Variants in ZNF717 observed in about 807,000 individuals in gnomAD.
ZNF717 encodes zinc finger protein 717, also known as krueppel-like factor X17.
ZNF717 carries 9 observed loss-of-function variants against 13.8 expected under a neutral mutation model. The ratio of observed to expected loss-of-function variants is 0.65; its 90% CI spans 0.39 to 1.14. The LOEUF is 1.14. ZNF717 is among the 50% of genes most tolerant of loss of function. The pLI is 0.01. For missense variants in ZNF717, 1,040 were observed against 1,080.7 expected, an observed-to-expected ratio of 0.96 and a Z score of 0.53; for synonymous variants, 327 against 364.1, an observed-to-expected ratio of 0.90 and a Z score of 1.16.
At chr3:75,779,748 G>A (rs1024176689) in intron 2 of ZNF717, among the ~76,000 whole-genome samples, 8 of 143,562 alleles carry the variant, frequency 5.6e-5, no homozygotes, top group African/African-American at 1.0e-4. Flanking sequence ...TGGGAGTGTC[G>A]TGCTAAACCA....
At chr3:75,778,200 G>C (rs1340008905) in intron 2 of ZNF717, among the ~76,000 whole-genome samples, 4 of 151,814 alleles carry the variant, frequency 2.6e-5, no homozygotes, top group African/African-American at 9.7e-5. Flanking sequence ...AAAACAATGG[G>C]AGTGACGTGC....
At position 75,738,918 on chromosome 3, in the gene ZNF717, G is replaced by T; in HGVS notation, c.705C>A (p.Thr235=). Residue 235 remains threonine (T), a synonymous_variant, in exon 5 of 5, where the codon ACC becomes ACA. Transcript: ENST00000652011. The part of the protein sequence containing the change: ...FIHKRVHIVQ[T]FGKYNEYEKA... Reference sequence around the variant, plus strand: ...TCTCATATTCATTATATTTACCAAAGGTCTGTACTATATGAACCCTCTTAT... The same window carrying T: ...TCTCATATTCATTATATTTACCAAATGTCTGTACTATATGAACCCTCTTAT... 5 of 1,551,484 alleles carry T rather than the reference G, an allele frequency of 3.2e-6. No homozygotes were observed. The highest frequency in any genetic ancestry group is 3.5e-6 in the Non-Finnish European group (4 of 1,146,946).
chr3:75,706,509 C>T (rs1311653344), downstream of ZNF717, among the ~76,000 whole-genome samples: 1 of 152,312 alleles, frequency 6.6e-6, no homozygotes, highest in African/African-American at 2.4e-5. Context: ...CAGAGGCAGC[C>T]CCTGGGCCCC....
intron 2 of ZNF717, among the ~76,000 whole-genome samples, chr3:75,743,667 G>T (rs1304419193): frequency 6.6e-6 from 1 of 152,238 alleles, no homozygotes; most frequent in Non-Finnish European, 1.5e-5. Context: ...GACATGGAGT[G>T]TAAGAATACA....
At chr3:75,741,911 T>C in intron 2 of ZNF717, 175 bp from the exon 3 acceptor site, 3 of 705,026 alleles carry the variant, frequency 4.3e-6, no homozygotes, top group Non-Finnish European at 6.6e-6. Flanking sequence ...AGCCCAAAGA[T>C]TCTTGTCAAA....
intron 5 of ZNF717, among the ~76,000 whole-genome samples, chr3:75,711,515 G>T (rs1352635084): frequency 3.3e-5 from 5 of 152,120 alleles, no homozygotes; most frequent in African/African-American, 1.2e-4. Context: ...CAAAAATTTT[G>T]CCAGGCACAG....
chr3:75,732,590 T>C (rs2106925013), downstream of ZNF717, among the ~76,000 whole-genome samples: 1 of 152,348 alleles, frequency 6.6e-6, no homozygotes, highest in East Asian at 1.9e-4. Context: ...TGAGAGGACA[T>C]ATAGCTGGCA....
intron 2 of ZNF717, among the ~76,000 whole-genome samples, chr3:75,763,135 T>C (rs1943168208): frequency 6.6e-6 from 1 of 152,238 alleles, no homozygotes; most frequent in South Asian, 2.1e-4. Flanking sequence ...AATTTGTCAA[T>C]AATTTTTAGG....
chr3:75,780,559 G>A (rs1295282955), intron 2 of ZNF717, among the ~76,000 whole-genome samples: 4 of 134,098 alleles, frequency 3.0e-5, no homozygotes, highest in East Asian at 2.1e-4. Context: ...CCACCACCAC[G>A]CTCGGCTAAT....
In ZNF717 at chr3:75,737,387, T is replaced by TG. The variant is rs1939461099; in HGVS notation, c.2235dup (p.Thr746HisfsTer5). On this transcript the variant is annotated frameshift_variant, in exon 5 of 5. Transcript: ENST00000652011. LOFTEE classifies it low-confidence loss of function (END_TRUNC). ...CCGGTATGGGTTCTATGATGTACAGTGAGGACTGACTTCTGACAAGGTTTT... is the reference window on the plus strand; with the variant it reads ...CCGGTATGGGTTCTATGATGTACAGTGGAGGACTGACTTCTGACAAGGTTTT... The TG allele has an allele frequency of 1.3e-6, 2 of 1,552,962 alleles. No individual in the cohort carries two copies. The highest frequency in any genetic ancestry group is 3.9e-5 in the Admixed American group (2 of 51,022).
In ZNF717 at chr3:75,736,910, C is replaced by T. The variant is rs1575753966; in HGVS notation, c.2713G>A (p.Val905Met). The T allele has an allele frequency of 6.4e-7, 1 of 1,555,352 alleles. No homozygotes were observed. Among genetic ancestry groups the T allele is most frequent in the Admixed American group, 2.0e-5 (1 of 51,130 alleles). The change falls in exon 5 of 5, where the codon GTG becomes ATG. Residue 905 changes from valine to methionine, a missense_variant. Val to Met is a conservative substitution (Grantham distance 21). This residue lies in a region of ZNF717 where 44 missense variants were observed against 70.1 expected (regional missense o/e 0.63). Coordinates refer to ENST00000652011, the MANE Select transcript of ZNF717 (RefSeq NM_001290208.3). ...AAAAAAGAGTGATTTTGAGGGAACA[C>T]ATAGCCTGCCTCAGCTACGTCAGAT... ...EKSDVAEAGY[V>M]FPQNHSFFP
intron 2 of ZNF717, among the ~76,000 whole-genome samples, chr3:75,758,339 GA>G (rs1272372220): frequency 2.0e-5 from 3 of 152,084 alleles, no homozygotes; most frequent in African/African-American, 7.2e-5. Flanking sequence ...GATGAGCAAA[GA>G]AAGTAGTTTC....
downstream of ZNF717, chr3:75,709,523 G>T (rs1185563150): frequency 2.0e-5 from 3 of 152,202 alleles, no homozygotes; most frequent in East Asian, 5.8e-4. Flanking sequence ...AATGAGGAAG[G>T]TTACATAATT....
downstream of ZNF717, among the ~76,000 whole-genome samples, chr3:75,708,506 A>G (rs1199218090): frequency 4.0e-5 from 6 of 151,798 alleles, no homozygotes; most frequent in Non-Finnish European, 8.8e-5. Context: ...ATAAAACCAC[A>G]AAGATGGGGA....
At chr3:75,724,250 T>C (rs1382487067) in intron 4 of ZNF717, among the ~76,000 whole-genome samples, 1 of 152,032 alleles carries the variant, frequency 6.6e-6, no homozygotes, top group Non-Finnish European at 1.5e-5. Context: ...TCTCCACGTC[T>C]TGGTGGTAGT....
chr3:75,739,355 G>C lies in ZNF717; in HGVS notation c.278-10C>G, dbSNP rs1288238324. ...TCAATGATCTGGACAGCTGAAATGAGAAAAAAGGTATCCATGAACCACACA... is the reference window on the plus strand; with the variant it reads ...TCAATGATCTGGACAGCTGAAATGACAAAAAAGGTATCCATGAACCACACA... On this transcript the variant is annotated splice_polypyrimidine_tract_variant and intron_variant, in intron 4 of 4. Transcript: ENST00000652011. 4 of 1,357,596 alleles carry C rather than the reference G, an allele frequency of 2.9e-6. No homozygotes were observed. Among genetic ancestry groups the C allele is most frequent in the African/African-American group, 1.8e-5 (1 of 56,022 alleles). The allele number at this position is 1,357,596 out of a possible 1,614,324, so 84.1% of individuals were successfully genotyped here. A position where few individuals can be genotyped will look rare whatever the true frequency, so the allele number is the denominator to read the frequency against.
At chr3:75,747,458 C>T (rs1457809701) in intron 2 of ZNF717, among the ~76,000 whole-genome samples, 7 of 152,030 alleles carry the variant, frequency 4.6e-5, no homozygotes, top group Non-Finnish European at 7.3e-5. Context: ...GGCAGTATGG[C>T]GATTTTCACA....
chr3:75,742,740 A>T (rs1288949682), intron 2 of ZNF717, among the ~76,000 whole-genome samples: 1 of 152,212 alleles, frequency 6.6e-6, no homozygotes, highest in African/African-American at 2.4e-5. Flanking sequence ...ACCCAATTTC[A>T]AAAATTCTTA....
At chr3:75,771,548 T>C (rs751738465) in intron 2 of ZNF717, among the ~76,000 whole-genome samples, 2 of 152,240 alleles carry the variant, frequency 1.3e-5, no homozygotes, top group Non-Finnish European at 2.9e-5. Flanking sequence ...CTAGGGCTTC[T>C]AATGACCCCC....
Sources: allele counts gnomAD v4.1 joint callset (sites outside exome capture counted in the v4.1 genomes callset), GRCh38; gene constraint gnomAD v4.1.1; regional missense constraint gnomAD v4.1.1; transcripts MANE v1.5; gene names NCBI Gene and HGNC (gene_info 2026-07-23, HGNC 2026-07-21).